Variants in LRBA observed in about 807,000 individuals in gnomAD.
LRBA encodes the protein lipopolysaccharide-responsive and beige-like anchor protein.
In LRBA, 176 loss-of-function variants were observed where a neutral mutation model predicts 330.0. The ratio of observed to expected loss-of-function variants is 0.53; its 90% CI spans 0.47 to 0.60. LRBA has a LOEUF of 0.60. Ranked by LOEUF, LRBA falls within the 20% of genes least tolerant of loss-of-function variation. The probability of loss-of-function intolerance (pLI) is 0.00; values close to 1 mark genes in which losing one functional copy is unlikely to be tolerated. For missense variants in LRBA, 3,259 were observed against 3,444.8 expected (o/e 0.95, Z 1.35); for synonymous variants, 1,230 against 1,193.0 (o/e 1.03, Z -0.64).
chr4:150,671,542 T>C (rs1466316276), intron 37 of LRBA, among the ~76,000 whole-genome samples: 1 of 152,232 alleles, frequency 6.6e-6, no homozygotes, highest in African/African-American at 2.4e-5. Flanking sequence ...TAACAATTTT[T>C]ATTTCCTCAG....
chr4:150,537,284 T>C (rs1045544371), intron 40 of LRBA, among the ~76,000 whole-genome samples: 15 of 152,266 alleles, frequency 9.9e-5, no homozygotes, highest in African/African-American at 2.4e-4. Context: ...ACACAAAAAA[T>C]GAAACTGGAC....
chr4:150,910,540 A>G (rs558776519), intron 9 of LRBA, among the ~76,000 whole-genome samples: 1 of 152,268 alleles, frequency 6.6e-6, no homozygotes, highest in African/African-American at 2.4e-5. Flanking sequence ...TGTCTAAGCA[A>G]GTCTAACGTT....
chr4:150,799,593 G>A (rs1017383716), intron 33 of LRBA, among the ~76,000 whole-genome samples: 4 of 152,192 alleles, frequency 2.6e-5, no homozygotes, highest in African/African-American at 9.6e-5. Flanking sequence ...TAGAATTCCT[G>A]CCATTGGGCC....
chr4:150,551,963 G>A (rs775844845), intron 40 of LRBA, among the ~76,000 whole-genome samples: 21 of 152,122 alleles, frequency 1.4e-4, no homozygotes, highest in Admixed American at 8.5e-4. Context: ...GGGGTGGGGG[G>A]TAGGAGGTAT....
intron 28 of LRBA, among the ~76,000 whole-genome samples, chr4:150,833,446 A>G (rs553610072): frequency 6.6e-6 from 1 of 152,294 alleles, no homozygotes; most frequent in Non-Finnish European, 1.5e-5. Flanking sequence ...TACCATGGAG[A>G]TACCACAGGT....
At chr4:150,753,582 G>A (rs972520257) in intron 35 of LRBA, among the ~76,000 whole-genome samples, 7 of 152,004 alleles carry the variant, frequency 4.6e-5, no homozygotes, top group African/African-American at 4.8e-5. Context: ...CTACAGGCAC[G>A]CTATATCCAA....
At chr4:150,449,537 A>C (rs1388933328) in intron 44 of LRBA, among the ~76,000 whole-genome samples, 1 of 151,852 alleles carries the variant, frequency 6.6e-6, no homozygotes, top group Non-Finnish European at 1.5e-5. Flanking sequence ...AAAAAAAAAA[A>C]ACCAGAAAAG....
At position 150,488,951 on chromosome 4, in the gene LRBA, A is replaced by G. The variant is rs539916351; in HGVS notation, c.6449-1117T>C. 3.2e-4 allele frequency among the ~76,000 whole-genome samples: 43 copies of G among 134,252 alleles called. No individual in the cohort carries two copies. The East Asian group carries it at 8.5e-3, about 26-fold the overall frequency. The allele number at this position is 134,252 out of a possible 152,430, so 88.1% of individuals were successfully genotyped here. On this transcript the variant is annotated intron_variant, in intron 41 of 56. Transcript: ENST00000651943. The stretch of plus-strand genomic sequence containing the variant: ...TATATACACACACGAGAATATATAT[A>G]ACATATAATATATTATATATAAGAA...
intron 47 of LRBA, among the ~76,000 whole-genome samples, chr4:150,389,257 G>A (rs1303292649): frequency 6.6e-6 from 1 of 152,138 alleles, no homozygotes; most frequent in Admixed American, 6.6e-5. Context: ...AGGAGGCTGA[G>A]GTGGGAGGAT....
chr4:150,964,824 A>T (rs964090987), intron 2 of LRBA, among the ~76,000 whole-genome samples: 3 of 152,220 alleles, frequency 2.0e-5, no homozygotes, highest in Non-Finnish European at 4.4e-5. Flanking sequence ...ATCAATAAAT[A>T]CTAAAATAAA....
At chr4:150,386,932 T>C (rs188647391) in intron 47 of LRBA, among the ~76,000 whole-genome samples, 1 of 152,304 alleles carries the variant, frequency 6.6e-6, no homozygotes, top group East Asian at 1.9e-4. Context: ...CATCTGTTGC[T>C]TTTTGACTTT....
chr4:150,985,236 T>G (rs1195059729), intron 2 of LRBA, among the ~76,000 whole-genome samples: 3 of 146,732 alleles, frequency 2.0e-5, no homozygotes, highest in African/African-American at 7.6e-5. Flanking sequence ...CCAGCCTGGG[T>G]GACAGAGCTA....
At chr4:150,331,624 T>C (rs1490176704) in intron 48 of LRBA, among the ~76,000 whole-genome samples, 1 of 152,192 alleles carries the variant, frequency 6.6e-6, no homozygotes, top group Non-Finnish European at 1.5e-5. Context: ...TTTATTTTTT[T>C]TAACTTCTAA....
At chr4:150,884,198 C>T (rs780050686) in intron 17 of LRBA, among the ~76,000 whole-genome samples, 35 of 152,254 alleles carry the variant, frequency 2.3e-4, no homozygotes, top group Non-Finnish European at 4.4e-4. Flanking sequence ...TGCAGTTCTC[C>T]AGCTAAAAGT....
At chr4:150,434,860 G>GAAA (rs113555857) in intron 46 of LRBA, among the ~76,000 whole-genome samples, 1 of 134,940 alleles carries the variant, frequency 7.4e-6, no homozygotes, top group Admixed American at 7.4e-5. Context: ...CTTGTTTCAA[G>GAAA]AAAAAAAAAA....
chr4:150,672,590 A>G (rs977133379), intron 37 of LRBA, among the ~76,000 whole-genome samples: 1 of 152,074 alleles, frequency 6.6e-6, no homozygotes, highest in Non-Finnish European at 1.5e-5. Flanking sequence ...GATAATAAAT[A>G]CTCCGTATTA....
intron 36 of LRBA, among the ~76,000 whole-genome samples, chr4:150,698,716 A>G (rs1437262783): frequency 6.6e-6 from 1 of 151,896 alleles, no homozygotes; most frequent in African/African-American, 2.4e-5. Flanking sequence ...CTTTAGTTTC[A>G]CAAACAGCTC....
intron 34 of LRBA, among the ~76,000 whole-genome samples, chr4:150,784,731 A>T (rs536838922): frequency 6.6e-6 from 1 of 151,506 alleles, no homozygotes; most frequent in Non-Finnish European, 1.5e-5. Context: ...TCCCCTTTCT[A>T]TCTTGCCTAT....
At chr4:150,735,907 C>G (rs1280052234) in intron 35 of LRBA, among the ~76,000 whole-genome samples, 1 of 152,132 alleles carries the variant, frequency 6.6e-6, no homozygotes, top group Non-Finnish European at 1.5e-5. Flanking sequence ...AGAAATAGAC[C>G]AGGCCTCAAA....
Sources: allele counts gnomAD v4.1 joint callset (sites outside exome capture counted in the v4.1 genomes callset), GRCh38; gene constraint gnomAD v4.1.1; transcripts MANE v1.5; gene names NCBI Gene and HGNC (gene_info 2026-07-23, HGNC 2026-07-21).